ABCA8: variants seen among roughly 807,000 people sequenced by gnomAD.
The protein encoded by ABCA8 is ATP binding cassette subfamily A member 8.
In ABCA8, 177 loss-of-function variants were observed where a neutral mutation model predicts 192.3. That is an observed-to-expected ratio of 0.92 (90% confidence interval 0.81 to 1.04). The LOEUF (loss-of-function observed/expected upper bound fraction) is 1.04. Ranked by LOEUF, ABCA8 falls within the 50% of genes least tolerant of loss-of-function variation. ABCA8 has a pLI of 0.00. For missense variants in ABCA8, 1,915 were observed against 1,904.8 expected (o/e 1.01, Z -0.10); for synonymous variants, 642 against 690.2 (o/e 0.93, Z 1.09).
chr17:68,942,818 C>T (rs2068270026), intron 2 of ABCA8, among the ~76,000 whole-genome samples: 2 of 152,134 alleles, frequency 1.3e-5, no homozygotes, highest in African/African-American at 4.8e-5. Context: ...TAGTTATTCT[C>T]CTGTCACTAT....
In ABCA8 at chr17:68,921,460, T is replaced by C. The variant is rs573486960; in HGVS notation, c.1534A>G (p.Thr512Ala). ...GCTCCACTGTGACCAAGTATTGCAG[T>C]GATTTGGCCTTCGTAAATGTCAAAT... is the stretch of plus-strand genomic sequence containing the variant. The part of the protein sequence containing the change: ...LVFDIYEGQI[T>A]AILGHSGAGK... The change falls in exon 13 of 40, where the codon ACT (threonine) becomes GCT (alanine). Residue 512 changes from threonine (T) to alanine (A), a missense_variant. Thr to Ala is a moderately conservative substitution (Grantham distance 58). Coordinates refer to ENST00000586539, the MANE Select transcript of ABCA8 (RefSeq NM_001288985.2). 26 of 1,606,414 alleles carry C rather than the reference T, an allele frequency of 1.6e-5. No individual in the cohort carries two copies. The East Asian group carries it at 3.1e-4, about 19-fold the overall frequency.
chr17:68,881,787 C>T, intron 31 of ABCA8, 76 bp downstream of exon 31: 1 of 1,021,300 alleles, frequency 9.8e-7, no homozygotes, highest in Non-Finnish European at 1.5e-6. Flanking sequence ...AGGTGGTTTC[C>T]AGAATAATGC....
intron 11 of ABCA8, among the ~76,000 whole-genome samples, chr17:68,923,817 G>A (rs1365147774): frequency 1.3e-5 from 2 of 152,166 alleles, no homozygotes; most frequent in East Asian, 3.9e-4. Flanking sequence ...TTGATGATGA[G>A]TATGACTTGG....
chr17:68,875,807 T>C, intron 35 of ABCA8, 74 bp from the exon 36 acceptor site: 1 of 1,502,908 alleles, frequency 6.7e-7, no homozygotes, highest in Non-Finnish European at 9.0e-7. Context: ...AAAAGAATTT[T>C]TAACTGGCAT....
intron 26 of ABCA8, among the ~76,000 whole-genome samples, 187 bp from the exon 27 acceptor site, chr17:68,885,502 A>G (rs1194427178): frequency 2.0e-5 from 3 of 152,138 alleles, no homozygotes; most frequent in Admixed American, 2.0e-4. Flanking sequence ...AGTTTCACAA[A>G]TGAGGTATCA....
At chr17:68,954,741 C>T (rs1376484587) in intron 1 of ABCA8, among the ~76,000 whole-genome samples, 2 of 152,032 alleles carry the variant, frequency 1.3e-5, no homozygotes, top group African/African-American at 2.4e-5. Context: ...TAAGAGTGAG[C>T]GATAGGAACA....
chr17:68,893,999 T>C lies in ABCA8; in HGVS notation c.3036+174A>G, dbSNP rs762153215. 9 of 656,302 alleles carry C rather than the reference T, an allele frequency of 1.4e-5. No individual in the cohort carries two copies. In the Middle Eastern group the frequency reaches 8.7e-4, roughly 64 times the overall value. The allele number at this position is 656,302 out of a possible 1,614,324, so 40.7% of individuals were successfully genotyped here. On this transcript the variant is annotated intron_variant, in intron 23 of 39. Transcript: ENST00000586539. Reference sequence around the variant, plus strand: ...TTCATTTTATTTTACTTTAAACAAATTGAAGCTCTGAAAACGTATTGATTT... The same window carrying C: ...TTCATTTTATTTTACTTTAAACAAACTGAAGCTCTGAAAACGTATTGATTT...
In ABCA8 at chr17:68,891,513, G is replaced by A. The variant is rs2066620724; in HGVS notation, c.3120C>T (p.Ala1040=). Residue 1040 remains alanine (A), a synonymous_variant, in exon 24 of 40, where the codon GCC becomes GCT. Transcript: ENST00000586539. The part of the protein sequence containing the change: ...VLTSSCPPYI[A]MSSIDDYKNR... ...CCTTATAATCATCGATGCTGCTCAT[G>A]GCAATGTAAGGTGGGCAACTCGATG... The A allele has an allele frequency of 1.9e-6, 3 of 1,612,454 alleles. No homozygotes were observed. The highest frequency in any genetic ancestry group is 1.7e-5 in the Admixed American group (1 of 59,976).
chr17:68,951,648 T>C (rs2068571273), intron 1 of ABCA8, among the ~76,000 whole-genome samples: 1 of 152,178 alleles, frequency 6.6e-6, no homozygotes, highest in Non-Finnish European at 1.5e-5. Context: ...AAAGCATAGG[T>C]AGCTAGGTGC....
chr17:68,872,578 TA>T (rs953548152), intron 37 of ABCA8, among the ~76,000 whole-genome samples: 25 of 141,594 alleles, frequency 1.8e-4, no homozygotes, highest in African/African-American at 3.9e-4. Context: ...AAAGTATAAT[TA>T]AAAAAAAATA....
At chr17:68,930,644 A>G (rs988877836) in intron 7 of ABCA8, among the ~76,000 whole-genome samples, 1 of 152,118 alleles carries the variant, frequency 6.6e-6, no homozygotes, top group Non-Finnish European at 1.5e-5. Context: ...GAATACCATT[A>G]TTTTCCTCAT....
intron 23 of ABCA8, among the ~76,000 whole-genome samples, chr17:68,893,038 T>C (rs1445938575): frequency 6.6e-6 from 1 of 152,054 alleles, no homozygotes; most frequent in African/African-American, 2.4e-5. Context: ...ATGACAGATA[T>C]GTGATCCATT....
intron 5 of ABCA8, among the ~76,000 whole-genome samples, chr17:68,936,714 C>A (rs573261549): frequency 6.6e-6 from 1 of 152,038 alleles, no homozygotes; most frequent in South Asian, 2.1e-4. Context: ...ATACATATTT[C>A]ATTTACATAT....
Position 68,918,135 on chromosome 17 carries a change from G to C in ABCA8, c.1959C>G (p.His653Gln), listed in dbSNP as rs1567859252. ...GTTCTTTCAGAAGGTTCCATACTTG[G>C]TGTCTTGAAAAGGGATCCAATCCAG... ...PTAGLDPFSRHQVWNLLKERK... is the reference protein window; with the variant it reads ...PTAGLDPFSRQQVWNLLKERK... The change falls in exon 16 of 40, where the codon CAC becomes CAG. Residue 653 changes from histidine to glutamine, a missense_variant. Coordinates refer to ENST00000586539, the MANE Select transcript of ABCA8 (RefSeq NM_001288985.2). 1.2e-6 allele frequency: 2 copies of C among 1,614,124 alleles called. No individual in the cohort carries two copies. The highest frequency in any genetic ancestry group is 1.7e-6 in the Non-Finnish European group (2 of 1,180,028).
In ABCA8 at chr17:68,907,890, G is replaced by GAAA; in HGVS notation, c.2139-14_2139-12dup. ...TCATTTAACTGCAAGCTGGCATTCA[G>GAAA]AAAAAAAAAAAAAGACATATGTTAC... On this transcript the variant is annotated splice_polypyrimidine_tract_variant and intron_variant, in intron 17 of 39. Transcript: ENST00000586539. 66 of 1,316,206 alleles carry GAAA rather than the reference G, an allele frequency of 5.0e-5. No homozygotes were observed. The highest frequency in any genetic ancestry group is 2.9e-4 in the South Asian group (18 of 62,068). The allele number at this position is 1,316,206 out of a possible 1,614,324, so 81.5% of individuals were successfully genotyped here.
intron 2 of ABCA8, among the ~76,000 whole-genome samples, chr17:68,942,938 T>C (rs1302009897): frequency 6.6e-6 from 1 of 152,144 alleles, no homozygotes; most frequent in South Asian, 2.1e-4. Flanking sequence ...TTTCAATAAA[T>C]ACATCCTTGA....
At chr17:68,936,376 C>T (rs2068065864) in intron 5 of ABCA8, among the ~76,000 whole-genome samples, 1 of 151,992 alleles carries the variant, frequency 6.6e-6, no homozygotes, top group Non-Finnish European at 1.5e-5. Context: ...GATATGGGTC[C>T]AGTTCTATTG....
At chr17:68,945,766 G>T (rs923115689) in intron 2 of ABCA8, among the ~76,000 whole-genome samples, 1 of 151,668 alleles carries the variant, frequency 6.6e-6, no homozygotes, top group Non-Finnish European at 1.5e-5. Context: ...CTTCTCTCTC[G>T]AATAGCAGAT....
intron 5 of ABCA8, among the ~76,000 whole-genome samples, chr17:68,936,720 CAT>C (rs1039199307): frequency 1.3e-5 from 2 of 151,916 alleles, no homozygotes; most frequent in Non-Finnish European, 2.9e-5. Flanking sequence ...ATTTCATTTA[CAT>C]ATATAAATAT....
Sources: allele counts gnomAD v4.1 joint callset (sites outside exome capture counted in the v4.1 genomes callset), GRCh38; gene constraint gnomAD v4.1.1; transcripts MANE v1.5; gene names NCBI Gene and HGNC (gene_info 2026-07-23, HGNC 2026-07-21).